WNT7A: variants seen among roughly 807,000 people sequenced by gnomAD.
The protein encoded by WNT7A is Wnt family member 7A, also known as protein Wnt-7a.
A neutral mutation model predicts 28.2 loss-of-function variants in WNT7A; 16 were observed. That is an observed-to-expected ratio of 0.57 (90% CI 0.38 to 0.86). WNT7A has a LOEUF of 0.86. Among genes scored for constraint, WNT7A ranks in the 40% least tolerant of loss-of-function variants. The probability of loss-of-function intolerance (pLI) is 0.00; values close to 1 mark genes in which losing one functional copy is unlikely to be tolerated. For synonymous variants in WNT7A, 190 were observed against 195.9 expected (o/e 0.97, Z 0.25); for missense variants, 411 against 489.7 (o/e 0.84, Z 1.52).
intron 2 of WNT7A, among the ~76,000 whole-genome samples, chr3:13,859,724 G>C (rs897018781): frequency 6.6e-6 from 1 of 152,216 alleles, no homozygotes; most frequent in African/African-American, 2.4e-5. Context: ...AATAGCAGTG[G>C]AATGAATAAA....
intron 2 of WNT7A, among the ~76,000 whole-genome samples, chr3:13,863,478 C>T (rs977365418): frequency 9.2e-5 from 14 of 152,010 alleles, no homozygotes; most frequent in African/African-American, 2.7e-4. Context: ...TGCGCACGCA[C>T]GCCTGCCTGC....
intron 3 of WNT7A, among the ~76,000 whole-genome samples, chr3:13,852,337 C>T (rs190664903): frequency 5.9e-4 from 90 of 152,310 alleles, no homozygotes; most frequent in African/African-American, 1.9e-3. Context: ...CGAGCCTTTC[C>T]GAGGCTCTCA....
In WNT7A at chr3:13,868,724, G is replaced by GAAAGAAAGA. The variant is rs1559307154; in HGVS notation, c.298+6214_298+6222dup. ...AGAAAGAAAGAAAGAAAGAAAGAAAGAAAGAAAGAAAGAAGAGAAAGAAAG... is the reference window on the plus strand; with the variant it reads ...AGAAAGAAAGAAAGAAAGAAAGAAAGAAAGAAAGAAAAGAAAGAAAGAAGAGAAAGAAAG... On this transcript the variant is annotated intron_variant, in intron 2 of 3. Transcript: ENST00000285018. Among the ~76,000 whole-genome samples the GAAAGAAAGA allele has an allele frequency of 1.2e-4, 16 of 133,566 alleles. 1 individual carries two copies. The highest frequency in any genetic ancestry group is 4.4e-4 in the African/African-American group (15 of 34,440). 87.6% of individuals were successfully genotyped at this position (133,566 alleles called of 152,430 possible).
chr3:13,819,412 C>T lies in WNT7A; in HGVS notation c.582G>A (p.Glu194=). The T allele has an allele frequency of 6.2e-7, 1 of 1,613,206 alleles. No individual in the cohort carries two copies. Among genetic ancestry groups the T allele is most frequent in the Non-Finnish European group, 8.5e-7 (1 of 1,179,960 alleles). The change falls in exon 4 of 4, where the codon GAG becomes GAA. Residue 194 remains glutamate, a synonymous_variant. Transcript: ENST00000285018. ...NNEAGRKILE[E]NMKLECKCHG... is the part of the protein sequence containing the mutation. Reference sequence around the variant, plus strand: ...GGCACTTACATTCCAGCTTCATGTTCTCCTCCAGGATCTGCAGGGGAGGGC... The same window carrying T: ...GGCACTTACATTCCAGCTTCATGTTTTCCTCCAGGATCTGCAGGGGAGGGC...
At chr3:13,854,236 G>A (rs1032359078) in intron 3 of WNT7A, among the ~76,000 whole-genome samples, 2 of 152,084 alleles carry the variant, frequency 1.3e-5, no homozygotes, top group Non-Finnish European at 2.9e-5. Context: ...AAGGGAGAAA[G>A]GCTAATTTGG....
chr3:13,864,489 T>C (rs573776844), intron 2 of WNT7A, among the ~76,000 whole-genome samples: 1 of 152,242 alleles, frequency 6.6e-6, no homozygotes, highest in African/African-American at 2.4e-5. Context: ...AGGTGACCCA[T>C]GTGGGCAGCT....
chr3:13,858,713 C>G (rs1445944839), intron 2 of WNT7A, among the ~76,000 whole-genome samples: 2 of 152,126 alleles, frequency 1.3e-5, no homozygotes, highest in South Asian at 4.1e-4. Flanking sequence ...GTCAAGACAC[C>G]GATGAGGGCC....
chr3:13,863,410 GTATGTGTA>G (rs1184497654), intron 2 of WNT7A, among the ~76,000 whole-genome samples: 2,414 of 5,970 alleles, frequency 0.4, 63 homozygotes, highest in African/African-American at 0.49. Context: ...GTGTGTGTGT[GTATGTGTA>G]TATGTGTGTG....
intron 3 of WNT7A, among the ~76,000 whole-genome samples, chr3:13,830,934 T>C (rs1694272198): frequency 6.6e-6 from 1 of 152,178 alleles, no homozygotes; most frequent in South Asian, 2.1e-4. Context: ...TCCAGCTTTG[T>C]CTCCTCATGA....
chr3:13,851,016 A>G (rs376860350), intron 3 of WNT7A, among the ~76,000 whole-genome samples: 7 of 151,976 alleles, frequency 4.6e-5, no homozygotes, highest in Non-Finnish European at 8.8e-5. Context: ...CCATCGGGCA[A>G]TCCTACAAAC....
At chr3:13,869,868 G>A (rs1695004819) in intron 2 of WNT7A, among the ~76,000 whole-genome samples, 1 of 152,200 alleles carries the variant, frequency 6.6e-6, no homozygotes, top group African/African-American at 2.4e-5. Flanking sequence ...GGTCTTGACA[G>A]CTAGCCTGCC....
chr3:13,849,158 C>G (rs1694589163), intron 3 of WNT7A, among the ~76,000 whole-genome samples: 1 of 152,186 alleles, frequency 6.6e-6, no homozygotes, highest in African/African-American at 2.4e-5. Flanking sequence ...TCTTGACTGT[C>G]CTAGCATCAG....
At chr3:13,858,989 C>A (rs1382545605) in intron 2 of WNT7A, among the ~76,000 whole-genome samples, 3 of 152,176 alleles carry the variant, frequency 2.0e-5, no homozygotes, top group Non-Finnish European at 4.4e-5. Context: ...GAAATGGGTA[C>A]AATTACACAG....
At chr3:13,868,589 AGGG>A (rs756588770) in intron 2 of WNT7A, among the ~76,000 whole-genome samples, 1,984 of 13,550 alleles carry the variant, frequency 0.15, 560 homozygotes, top group South Asian at 0.19. Flanking sequence ...AGAGAGAGAG[AGGG>A]AGAAAGAAAG....
intron 3 of WNT7A, among the ~76,000 whole-genome samples, chr3:13,821,948 A>G (rs186189953): frequency 2.6e-5 from 4 of 152,372 alleles, no homozygotes; most frequent in Non-Finnish European, 4.4e-5. Context: ...CTCAATTTAT[A>G]AAAATGCAAT....
intron 2 of WNT7A, among the ~76,000 whole-genome samples, chr3:13,856,731 T>C (rs1417045341): frequency 6.6e-6 from 1 of 151,842 alleles, no homozygotes; most frequent in African/African-American, 2.4e-5. Context: ...GGCAGGAGAA[T>C]TGCTTGAACC....
chr3:13,821,752 T>C (rs1343523876), intron 3 of WNT7A, among the ~76,000 whole-genome samples: 2 of 152,170 alleles, frequency 1.3e-5, no homozygotes, highest in African/African-American at 4.8e-5. Flanking sequence ...CATCCACCAA[T>C]ATCAAGACAA....
Position 13,818,442 on chromosome 3 carries a change from G to A in WNT7A, c.*502C>T, listed in dbSNP as rs1441492140. 1 of 149,948 alleles carries A rather than the reference G, an allele frequency of 6.7e-6. No homozygotes were observed. Among genetic ancestry groups the A allele is most frequent in the Non-Finnish European group, 1.5e-5 (1 of 67,870 alleles). The allele number at this position is 149,948 out of a possible 1,614,324, so 9.3% of individuals were successfully genotyped here. On this transcript the variant is annotated 3_prime_UTR_variant, in exon 4 of 4. Transcript: ENST00000285018. ...TTAAACATCTAGTGCTGCAAGGTGG[G>A]TACCTGCAAAATCAGCTAGTAGAAA...
intron 3 of WNT7A, among the ~76,000 whole-genome samples, chr3:13,829,945 C>T (rs575812039): frequency 8.3e-4 from 126 of 152,238 alleles, no homozygotes; most frequent in Admixed American, 1.4e-3. Flanking sequence ...CCCCAGAACC[C>T]CTGTCCTATT....
Sources: gnomAD v4.1 joint callset for allele counts (sites outside exome capture counted in the v4.1 genomes callset) on GRCh38, gnomAD v4.1.1 for gene constraint, MANE v1.5 for transcripts, NCBI Gene and HGNC (gene_info 2026-07-23, HGNC 2026-07-21) for gene names.